Variants in GATAD2B observed in about 807,000 individuals in gnomAD.
The protein encoded by GATAD2B is GATA zinc finger domain containing 2B.
A neutral mutation model predicts 64.3 loss-of-function variants in GATAD2B; 8 were observed. The ratio of observed to expected loss-of-function variants is 0.12; its 90% CI spans 0.07 to 0.22. The LOEUF is 0.22. GATAD2B is among the 10% of genes least tolerant of loss of function. The probability of loss-of-function intolerance (pLI) is 1.00; values close to 1 mark genes in which losing one functional copy is unlikely to be tolerated. For missense variants in GATAD2B, 453 were observed against 752.0 expected (o/e 0.60, Z 4.65); for synonymous variants, 281 against 271.3 (o/e 1.04, Z -0.35).
rs1252089558 is a variant in GATAD2B at position 153,807,826 on chromosome 1, T to C, written c.*2351A>G. 4.6e-5 allele frequency: 7 copies of C among 152,528 alleles called. No individual in the cohort carries two copies. The highest frequency in any genetic ancestry group is 1.4e-4 in the African/African-American group (6 of 41,398). The allele number at this position is 152,528 out of a possible 1,614,324, so 9.4% of individuals were successfully genotyped here. A position where few individuals can be genotyped will look rare whatever the true frequency, so the allele number is the denominator to read the frequency against. ...ATCTCAACTGACAAACTTGGGCATC[T>C]CGTACCTCTGAGCACCTCTGAGCTT... On this transcript the variant is annotated 3_prime_UTR_variant, in exon 11 of 11. Transcript: ENST00000368655.
At chr1:153,919,375 G>C (rs1448034766) in intron 1 of GATAD2B, among the ~76,000 whole-genome samples, 1 of 152,160 alleles carries the variant, frequency 6.6e-6, no homozygotes, top group African/African-American at 2.4e-5. Flanking sequence ...CTTACTGGAT[G>C]AATTCAAGCT....
chr1:153,812,072 A>T lies in GATAD2B; in HGVS notation c.1480T>A (p.Ser494Thr), dbSNP rs748610133. ...ALSPTTAPAV[S>T]SVSKQETIMR... Reference sequence around the variant, plus strand: ...ATGGTCTCTTGTTTACTGACACTGGACACAGCTGGAGCCGTAGTGGGGGAG... The same window carrying T: ...ATGGTCTCTTGTTTACTGACACTGGTCACAGCTGGAGCCGTAGTGGGGGAG... The change falls in exon 9 of 11, where the codon TCC becomes ACC. Residue 494 changes from serine to threonine, a missense_variant. Around this residue, in one of 2 missense-constraint regions of GATAD2B, gnomAD observed 160 missense variants for 334.7 expected, o/e 0.48. Transcript: ENST00000368655. 6.2e-7 allele frequency: 1 copy of T among 1,613,250 alleles called. No homozygotes were observed. The highest frequency in any genetic ancestry group is 8.5e-7 in the Non-Finnish European group (1 of 1,179,566).
intron 1 of GATAD2B, among the ~76,000 whole-genome samples, chr1:153,917,767 G>A (rs908714977): frequency 2.0e-5 from 3 of 152,112 alleles, no homozygotes; most frequent in Non-Finnish European, 4.4e-5. Flanking sequence ...ACAAATCCAT[G>A]CCTTCTAAGA....
At chr1:153,900,214 G>A (rs1041328583) in intron 1 of GATAD2B, among the ~76,000 whole-genome samples, 9 of 151,914 alleles carry the variant, frequency 5.9e-5, no homozygotes, top group Non-Finnish European at 1.0e-4. Flanking sequence ...TCAGGAATTC[G>A]AGACAAATCT....
chr1:153,871,605 G>A (rs1288222833), intron 1 of GATAD2B, among the ~76,000 whole-genome samples: 2 of 151,980 alleles, frequency 1.3e-5, no homozygotes, highest in Non-Finnish European at 2.9e-5. Flanking sequence ...CCGAGCAGCT[G>A]GGACTACAGG....
chr1:153,879,762 C>CAAAAAAAA (rs71093298), intron 1 of GATAD2B, among the ~76,000 whole-genome samples: 2 of 80,960 alleles, frequency 2.5e-5, no homozygotes. Flanking sequence ...ACACTGTCTA[C>CAAAAAAAA]AAAAAAAAAA....
chr1:153,866,707 G>A (rs1027688370), intron 1 of GATAD2B, among the ~76,000 whole-genome samples: 5 of 152,126 alleles, frequency 3.3e-5, no homozygotes, highest in Non-Finnish European at 7.4e-5. Context: ...AGGCCCTAAA[G>A]AAAAGCAGAA....
At chr1:153,895,540 A>G (rs1274576543) in intron 1 of GATAD2B, among the ~76,000 whole-genome samples, 1 of 151,956 alleles carries the variant, frequency 6.6e-6, no homozygotes, top group Non-Finnish European at 1.5e-5. Context: ...CGATCGTGCC[A>G]CTGCACTCTA....
intron 1 of GATAD2B, among the ~76,000 whole-genome samples, chr1:153,909,427 C>G (rs1678050032): frequency 6.6e-6 from 1 of 151,616 alleles, no homozygotes; most frequent in Non-Finnish European, 1.5e-5. Flanking sequence ...GTCTCGATCT[C>G]CTGACCTCAT....
chr1:153,859,853 T>C (rs989787590), intron 1 of GATAD2B, among the ~76,000 whole-genome samples: 3 of 151,212 alleles, frequency 2.0e-5, no homozygotes, highest in African/African-American at 4.9e-5. Flanking sequence ...CTATCTCCAT[T>C]CCTCCAGGCA....
chr1:153,882,721 A>G (rs1195425725), intron 1 of GATAD2B, among the ~76,000 whole-genome samples: 2 of 152,160 alleles, frequency 1.3e-5, no homozygotes, highest in East Asian at 3.9e-4. Flanking sequence ...CTCACCTACC[A>G]CATCCCACTT....
intron 1 of GATAD2B, among the ~76,000 whole-genome samples, chr1:153,833,209 CTCCATCACTTAGAAA>C (rs1238330142): frequency 6.6e-6 from 1 of 151,974 alleles, no homozygotes; most frequent in Non-Finnish European, 1.5e-5. Flanking sequence ...CATAGCAAGA[CTCCATCACTTAGAAA>C]AAAGGTAAGA....
At chr1:153,842,230 G>A (rs1441433075) in intron 1 of GATAD2B, among the ~76,000 whole-genome samples, 2 of 152,172 alleles carry the variant, frequency 1.3e-5, no homozygotes, top group African/African-American at 2.4e-5. Context: ...GGCTAATGAT[G>A]TTCTTTTTAC....
chr1:153,915,392 C>A lies in GATAD2B; in HGVS notation c.-2+7341G>T, dbSNP rs375293685. The stretch of plus-strand genomic sequence containing the variant: ...GAGCCAAGACTGCACCATTGCACTC[C>A]AGCCTGGGTGACAGAGCGAGACTCT... On this transcript the variant is annotated intron_variant, in intron 1 of 10. Transcript: ENST00000368655. 3.3e-5 allele frequency among the ~76,000 whole-genome samples: 5 copies of A among 152,118 alleles called. No homozygotes were observed. In the East Asian group the frequency reaches 5.8e-4, roughly 18 times the overall value.
At chr1:153,896,517 A>G (rs925130512) in intron 1 of GATAD2B, among the ~76,000 whole-genome samples, 1 of 148,926 alleles carries the variant, frequency 6.7e-6, no homozygotes, top group Admixed American at 6.8e-5. Flanking sequence ...GCTCACCACA[A>G]CCTCCACCTC....
rs1312981128 is a variant in GATAD2B at position 153,898,325 on chromosome 1, A to G, written c.-2+24408T>C. On this transcript the variant is annotated intron_variant, in intron 1 of 10. Transcript: ENST00000368655. ...CTGTCTCAAAAAAAAAAAAAAAAAG[A>G]AAAAAAGAAAAAAGAAAAACAAAAA... 4.3e-5 allele frequency among the ~76,000 whole-genome samples: 6 copies of G among 141,126 alleles called. 1 individual carries two copies. Among genetic ancestry groups the G allele is most frequent in the African/African-American group, 1.8e-4 (6 of 33,806 alleles). 92.6% of individuals were successfully genotyped at this position (141,126 alleles called of 152,430 possible).
At chr1:153,820,974 A>ATT (rs869096882) in intron 2 of GATAD2B, among the ~76,000 whole-genome samples, 13 of 50,866 alleles carry the variant, frequency 2.6e-4, no homozygotes, top group East Asian at 8.7e-4. Flanking sequence ...GGCACATGGA[A>ATT]TTTTTTTTTT....
At chr1:153,810,531 G>A (rs771713417) in intron 10 of GATAD2B, among the ~76,000 whole-genome samples, 8 of 151,946 alleles carry the variant, frequency 5.3e-5, no homozygotes, top group African/African-American at 9.7e-5. Flanking sequence ...TGTGATCTCC[G>A]CTCACCTCTG....
At chr1:153,837,379 A>G (rs1261169906) in intron 1 of GATAD2B, among the ~76,000 whole-genome samples, 1 of 143,714 alleles carries the variant, frequency 7.0e-6, no homozygotes, top group African/African-American at 2.7e-5. Flanking sequence ...AAAACAAACA[A>G]AAAAAAAAAC....
Sources: allele counts gnomAD v4.1 joint callset (sites outside exome capture counted in the v4.1 genomes callset), GRCh38; gene constraint gnomAD v4.1.1; regional missense constraint gnomAD v4.1.1; transcripts MANE v1.5; gene names NCBI Gene and HGNC (gene_info 2026-07-23, HGNC 2026-07-21).